ACSL1: variants seen among roughly 807,000 people sequenced by gnomAD.
The protein encoded by ACSL1 is acyl-CoA synthetase long chain family member 1, also known as long-chain-fatty-acid--CoA ligase 1.
In ACSL1, 41 loss-of-function variants were observed where a neutral mutation model predicts 98.4. That is an observed-to-expected ratio of 0.42 (90% CI 0.32 to 0.54). ACSL1 has a LOEUF of 0.54. Ranked by LOEUF, ACSL1 falls within the 20% of genes least tolerant of loss-of-function variation. ACSL1 has a pLI of 0.13. For synonymous variants in ACSL1, 316 were observed against 322.7 expected (o/e 0.98, Z 0.22); for missense variants, 734 against 883.1 (o/e 0.83, Z 2.14).
intron 1 of ACSL1, among the ~76,000 whole-genome samples, chr4:184,823,151 G>A (rs191758547): frequency 1.3e-5 from 2 of 152,284 alleles, no homozygotes; most frequent in African/African-American, 4.8e-5. Flanking sequence ...CTACCAAGTT[G>A]GACTGCCAAC....
At chr4:184,770,377 G>A (rs1295827611) in intron 11 of ACSL1, 22 bp downstream of exon 11, 7 of 1,611,962 alleles carry the variant, frequency 4.3e-6, no homozygotes, top group Non-Finnish European at 5.9e-6. Flanking sequence ...AACAAGCAAG[G>A]AAAACAAAAT....
intron 12 of ACSL1, among the ~76,000 whole-genome samples, chr4:184,767,126 A>G (rs780847220): frequency 1.3e-5 from 2 of 151,984 alleles, no homozygotes; most frequent in Non-Finnish European, 2.9e-5. Flanking sequence ...TACAAAAAAT[A>G]CAGAAATTAG....
intron 1 of ACSL1, chr4:184,814,944 A>T (rs1579966776): frequency 2.2e-6 from 1 of 449,444 alleles, no homozygotes; most frequent in Non-Finnish European, 4.5e-6. Flanking sequence ...CCAGGGGGAT[A>T]ACCAACTCTC....
At chr4:184,793,956 T>C (rs1768882643) in intron 2 of ACSL1, among the ~76,000 whole-genome samples, 1 of 152,228 alleles carries the variant, frequency 6.6e-6, no homozygotes, top group South Asian at 2.1e-4. Context: ...TTCTGTATAC[T>C]CTAAATGGTC....
Position 184,814,223 on chromosome 4 carries a change from G to A in ACSL1, c.-32-10677C>T, listed in dbSNP as rs374231974. 1.7e-4 allele frequency among the ~76,000 whole-genome samples: 25 copies of A among 150,412 alleles called. No homozygotes were observed. In the East Asian group the frequency reaches 2.1e-3, roughly 13 times the overall value. ...GGAGAATGGCATGAACCCGGGAGGCGGAGCTTGCAGTGAGCCAAGATCGTG... is the reference window on the plus strand; with the variant it reads ...GGAGAATGGCATGAACCCGGGAGGCAGAGCTTGCAGTGAGCCAAGATCGTG... On this transcript the variant is annotated intron_variant, in intron 1 of 20. Transcript: ENST00000281455.
intron 2 of ACSL1, among the ~76,000 whole-genome samples, chr4:184,800,825 A>G (rs1212083059): frequency 6.6e-6 from 1 of 152,190 alleles, no homozygotes; most frequent in Admixed American, 6.5e-5. Context: ...GGTGACCAGC[A>G]TGAGTGTTAA....
At chr4:184,788,595 G>T in intron 3 of ACSL1, 22 bp downstream of exon 3, 1 of 1,584,312 alleles carries the variant, frequency 6.3e-7, no homozygotes, top group African/African-American at 1.3e-5. Context: ...CGGGAGCCAC[G>T]CAAATGCAGG....
At chr4:184,808,591 G>GC in intron 1 of ACSL1, 19 of 801,294 alleles carry the variant, frequency 2.4e-5, no homozygotes, top group Non-Finnish European at 2.9e-5. Context: ...GGCTGAAAGC[G>GC]CCCCCTTTGT....
At chr4:184,768,084 G>C in intron 12 of ACSL1, 1 of 502,880 alleles carries the variant, frequency 2.0e-6, no homozygotes, top group Non-Finnish European at 3.4e-6. Context: ...CATTATGCTT[G>C]TGTTGTGACC....
chr4:184,764,884 G>A lies in ACSL1; in HGVS notation c.1401C>T (p.Cys467=). Residue 467 remains cysteine, a synonymous_variant, in exon 15 of 21, where the codon TGC becomes TGT. Transcript: ENST00000281455. ...GYGQTECTAG[C]CLTMPGDWTA... is the part of the protein sequence containing the mutation. ...TCCAGTCTCCAGGCATGGTCAGGCA[G>A]CACCCGGCAGTGCACTCTGTCTGTC... is the stretch of plus-strand genomic sequence containing the variant. The A allele has an allele frequency of 6.2e-7, 1 of 1,613,982 alleles. No homozygotes were observed. Among genetic ancestry groups the A allele is most frequent in the Non-Finnish European group, 8.5e-7 (1 of 1,179,946 alleles).
At chr4:184,760,522 G>C in intron 17 of ACSL1, 22 bp from the exon 18 acceptor site, 1 of 1,613,154 alleles carries the variant, frequency 6.2e-7, no homozygotes, top group Non-Finnish European at 8.5e-7. Flanking sequence ...AGGGGAGGGG[G>C]TTATGAATGG....
In ACSL1 at chr4:184,783,832, A is replaced by G. The variant is rs927423676; in HGVS notation, c.375+95T>C. ...AAGGCTCTGAGCTGGTCCAGCACAT[A>G]CACTCTGGAGAAACCTTCCGGCTCC... On this transcript the variant is annotated intron_variant, in intron 4 of 20. Coordinates refer to ENST00000281455, the MANE Select transcript of ACSL1 (RefSeq NM_001995.5). 2.5e-6 allele frequency: 3 copies of G among 1,176,828 alleles called. No homozygotes were observed. The African/African-American group carries it at 4.6e-5, about 18-fold the overall frequency. The allele number at this position is 1,176,828 out of a possible 1,614,324, so 72.9% of individuals were successfully genotyped here.
intron 14 of ACSL1, among the ~76,000 whole-genome samples, chr4:184,765,660 G>A (rs762980976): frequency 1.3e-5 from 2 of 151,836 alleles, no homozygotes; most frequent in Non-Finnish European, 2.9e-5. Context: ...TCACCACGTG[G>A]GAAAAAAAAG....
At chr4:184,811,404 G>A (rs72695681) in intron 1 of ACSL1, among the ~76,000 whole-genome samples, 15,086 of 151,604 alleles carry the variant, frequency 0.1, 945 homozygotes, top group Non-Finnish European at 0.14. Flanking sequence ...GAGCCACCGC[G>A]CCCAGCTGCA....
chr4:184,809,636 C>CAA (rs72117271), intron 1 of ACSL1, among the ~76,000 whole-genome samples: 98 of 148,672 alleles, frequency 6.6e-4, no homozygotes, highest in Non-Finnish European at 1.1e-3. Flanking sequence ...ACTAAAAATA[C>CAA]AAAAAAAAAA....
At chr4:184,788,755 G>T (rs370519940) in intron 2 of ACSL1, 24 bp from the exon 3 acceptor site, 2 of 1,594,932 alleles carry the variant, frequency 1.3e-6, no homozygotes, top group Non-Finnish European at 1.7e-6. Context: ...AAGGGGGGCA[G>T]GTTAGAAGGC....
Position 184,770,344 on chromosome 4 carries a change from A to G in ACSL1, c.993+55T>C, listed in dbSNP as rs144399434. ...AAGGGAAGTGCTTTCTGTAAAACAC[A>G]ACAACTTAGCAGAACATACACAAAC... On this transcript the variant is annotated intron_variant, in intron 11 of 20. Transcript: ENST00000281455. 8.2e-5 allele frequency: 132 copies of G among 1,601,866 alleles called. No individual in the cohort carries two copies. In the African/African-American group the frequency reaches 1.4e-3, roughly 17 times the overall value.
At chr4:184,783,009 G>A (rs571636468) in intron 4 of ACSL1, among the ~76,000 whole-genome samples, 1 of 152,260 alleles carries the variant, frequency 6.6e-6, no homozygotes, top group South Asian at 2.1e-4. Context: ...GAATCCGCAT[G>A]ATTACCTGCC....
In ACSL1 at chr4:184,809,916, C is replaced by T. The variant is rs111880823; in HGVS notation, c.-32-6370G>A. On this transcript the variant is annotated intron_variant, in intron 1 of 20. Coordinates refer to ENST00000281455, the MANE Select transcript of ACSL1 (RefSeq NM_001995.5). Reference sequence around the variant, plus strand: ...TCTCTACAGCCACTTTTTGAGGCATCGAATGGTTTTCTGTGGCATACATTC... The same window carrying T: ...TCTCTACAGCCACTTTTTGAGGCATTGAATGGTTTTCTGTGGCATACATTC... 9.5e-3 allele frequency among the ~76,000 whole-genome samples: 1,452 copies of T among 152,324 alleles called. 8 individuals carry two copies. The highest frequency in any genetic ancestry group is 0.016 in the Non-Finnish European group (1,063 of 68,014).
Sources: allele counts gnomAD v4.1 joint callset (sites outside exome capture counted in the v4.1 genomes callset), GRCh38; gene constraint gnomAD v4.1.1; transcripts MANE v1.5; gene names NCBI Gene and HGNC (gene_info 2026-07-23, HGNC 2026-07-21).